Variants in RPS6KC1 observed in about 807,000 individuals in gnomAD.
The protein encoded by RPS6KC1 is inactive ribosomal protein S6 kinase delta-1.
A neutral mutation model predicts 103.8 loss-of-function variants in RPS6KC1; 54 were observed. The ratio of observed to expected loss-of-function variants is 0.52; its 90% confidence interval spans 0.42 to 0.65. The LOEUF (loss-of-function observed/expected upper bound fraction) is 0.65, where lower values mean the gene tolerates loss of function less well. Among genes scored for constraint, RPS6KC1 ranks in the 30% least tolerant of loss-of-function variants. The pLI is 0.00. For synonymous variants in RPS6KC1, 439 were observed against 438.7 expected, an observed-to-expected ratio of 1.00 and a Z score of -0.01; for missense variants, 1,151 against 1,253.8, an observed-to-expected ratio of 0.92 and a Z score of 1.24.
chr1:213,166,323 C>T (rs1572963703), intron 6 of RPS6KC1, among the ~76,000 whole-genome samples: 2 of 152,076 alleles, frequency 1.3e-5, no homozygotes, highest in South Asian at 2.1e-4. Flanking sequence ...TAGCAGACTC[C>T]AGACACAGTA....
At chr1:213,324,752 G>T in the RPS6KC1 span, among the ~76,000 whole-genome samples, 2 of 151,964 alleles carry the variant, frequency 1.3e-5, no homozygotes, top group East Asian at 3.9e-4. Flanking sequence ...GCGGGGAGGG[G>T]GTTGGAGGAT....
chr1:213,825,403 G>A, the RPS6KC1 span, among the ~76,000 whole-genome samples: 7 of 152,204 alleles, frequency 4.6e-5, no homozygotes, highest in South Asian at 2.1e-4. Context: ...AAAGGAAGAG[G>A]GAGGGAGCAG....
chr1:213,197,450 G>A (rs1405749458), intron 8 of RPS6KC1, among the ~76,000 whole-genome samples: 1 of 152,098 alleles, frequency 6.6e-6, no homozygotes, highest in African/African-American at 2.4e-5. Flanking sequence ...CGTGTCATCT[G>A]TGATTTCTTT....
chr1:213,213,659 T>C (rs1031346942), intron 8 of RPS6KC1, among the ~76,000 whole-genome samples: 2 of 152,254 alleles, frequency 1.3e-5, no homozygotes, highest in African/African-American at 4.8e-5. Flanking sequence ...TTGCCAATCA[T>C]ATTTCACTGG....
At chr1:213,426,988 G>T in the RPS6KC1 span, among the ~76,000 whole-genome samples, 50 of 152,290 alleles carry the variant, frequency 3.3e-4, no homozygotes, top group East Asian at 3.3e-3. Context: ...AGGCAAGTTT[G>T]TTCCTTAGGC....
At chr1:213,671,579 T>C in the RPS6KC1 span, among the ~76,000 whole-genome samples, 1 of 151,130 alleles carries the variant, frequency 6.6e-6, no homozygotes, top group African/African-American at 2.4e-5. Context: ...AGATCAGGAG[T>C]TCAAGACCAG....
At chr1:213,179,682 T>A (rs1355836158) in intron 8 of RPS6KC1, among the ~76,000 whole-genome samples, 1 of 152,164 alleles carries the variant, frequency 6.6e-6, no homozygotes, top group African/African-American at 2.4e-5. Context: ...TCTATTAACC[T>A]AGGAAAAATA....
chr1:213,074,267 AT>A (rs1407435271), intron 2 of RPS6KC1, among the ~76,000 whole-genome samples: 1 of 152,166 alleles, frequency 6.6e-6, no homozygotes, highest in South Asian at 2.1e-4. Flanking sequence ...TTAAGCTTTT[AT>A]TTGTATGTTT....
chr1:213,747,822 A>G, the RPS6KC1 span, among the ~76,000 whole-genome samples: 1 of 152,188 alleles, frequency 6.6e-6, no homozygotes, highest in Non-Finnish European at 1.5e-5. Flanking sequence ...GTTCAGAACA[A>G]ATAGAGTGGG....
intron 7 of RPS6KC1, among the ~76,000 whole-genome samples, chr1:213,169,517 A>G (rs1234322436): frequency 2.0e-5 from 3 of 152,060 alleles, no homozygotes; most frequent in Non-Finnish European, 2.9e-5. Context: ...TCTTTTAATT[A>G]TATTAAATTT....
the RPS6KC1 span, chr1:213,840,028 A>G: frequency 6.6e-6 from 1 of 152,136 alleles, no homozygotes; most frequent in South Asian, 2.1e-4. Flanking sequence ...CAAGTGGACA[A>G]TACATCGACT....
chr1:213,685,989 T>G, the RPS6KC1 span, among the ~76,000 whole-genome samples: 1 of 152,250 alleles, frequency 6.6e-6, no homozygotes, highest in African/African-American at 2.4e-5. Flanking sequence ...TCATTAGCTC[T>G]TCCATTTTCA....
At chr1:213,299,883 T>C in the RPS6KC1 span, among the ~76,000 whole-genome samples, 1 of 152,110 alleles carries the variant, frequency 6.6e-6, no homozygotes, top group Admixed American at 6.5e-5. Context: ...CTGCTCACTG[T>C]AAGCTCCGCC....
chr1:213,332,043 A>AAG, the RPS6KC1 span, among the ~76,000 whole-genome samples: 3 of 152,240 alleles, frequency 2.0e-5, 1 homozygote, highest in East Asian at 3.9e-4. Flanking sequence ...AAAAAAAAAA[A>AAG]AAAGACAATG....
intron 3 of RPS6KC1, among the ~76,000 whole-genome samples, chr1:213,092,686 A>C (rs2081085879): frequency 6.7e-6 from 1 of 149,842 alleles, no homozygotes; most frequent in Admixed American, 6.6e-5. Flanking sequence ...AAAAAAAAAA[A>C]GAAATACACT....
chr1:213,425,779 C>T, the RPS6KC1 span, among the ~76,000 whole-genome samples: 7 of 152,096 alleles, frequency 4.6e-5, no homozygotes, highest in Non-Finnish European at 1.0e-4. Context: ...AATTATTTGT[C>T]TTTAATTAGT....
the RPS6KC1 span, among the ~76,000 whole-genome samples, chr1:213,609,460 C>T: frequency 3.2e-4 from 48 of 152,258 alleles, 1 homozygote; most frequent in African/African-American, 8.2e-4. Flanking sequence ...TGTCCACACC[C>T]GTGCAAACAG....
At chr1:213,580,585 A>G in the RPS6KC1 span, among the ~76,000 whole-genome samples, 15 of 152,216 alleles carry the variant, frequency 9.9e-5, no homozygotes, top group African/African-American at 3.6e-4. Context: ...GAAATCTTTC[A>G]TGAAAGGAAG....
the RPS6KC1 span, among the ~76,000 whole-genome samples, chr1:213,329,888 A>C: frequency 6.6e-6 from 1 of 151,018 alleles, no homozygotes; most frequent in Admixed American, 6.6e-5. Context: ...CCTTCCTTTC[A>C]CATAGGAAGG....
Sources: allele counts gnomAD v4.1 joint callset (sites outside exome capture counted in the v4.1 genomes callset), GRCh38; gene constraint gnomAD v4.1.1; transcripts MANE v1.5; gene names NCBI Gene and HGNC (gene_info 2026-07-23, HGNC 2026-07-21).